Variants in IYD observed in about 807,000 individuals in gnomAD.
The protein encoded by IYD is iodotyrosine deiodinase 1.
A neutral mutation model predicts 28.4 loss-of-function variants in IYD; 25 were observed. That is an observed-to-expected ratio of 0.88 (90% CI 0.64 to 1.23). The LOEUF (loss-of-function observed/expected upper bound fraction) is 1.23. Among genes scored for constraint, IYD ranks in the 50% most tolerant of loss-of-function variants. IYD has a pLI of 0.00. For missense variants in IYD, 352 were observed against 357.9 expected (o/e 0.98, Z 0.13); for synonymous variants, 140 against 130.8 (o/e 1.07, Z -0.48).
At position 150,403,243 on chromosome 6, in the gene IYD, T is replaced by C. The variant is rs904754938; in HGVS notation, c.*5006T>C. 6.6e-6 allele frequency: 1 copy of C among 152,264 alleles called. No individual in the cohort carries two copies. The highest frequency in any genetic ancestry group is 2.4e-5 in the African/African-American group (1 of 41,470). 9.4% of individuals were successfully genotyped at this position (152,264 alleles called of 1,614,324 possible). ...TTATGCCAGAGAGGCATGAGAAATA[T>C]AATTTTATTTTGCTAGGTATCAGCA... On this transcript the variant is annotated 3_prime_UTR_variant, in exon 5 of 5. Transcript: ENST00000344419.
In IYD at chr6:150,389,643, C is replaced by T. The variant is rs1050570909; in HGVS notation, c.370+100C>T. ...AAAGTTTAAACATAGCGAATAAAGC[C>T]TAGAGTGATATGTTTATCTATAAAG... On this transcript the variant is annotated intron_variant, in intron 2 of 4. Coordinates refer to ENST00000344419, the MANE Select transcript of IYD (RefSeq NM_203395.3). The T allele has an allele frequency of 9.5e-6, 10 of 1,057,832 alleles. No individual in the cohort carries two copies. The African/African-American group carries it at 1.6e-4, about 16-fold the overall frequency. 65.5% of individuals were successfully genotyped at this position (1,057,832 alleles called of 1,614,324 possible).
At chr6:150,374,241 A>G (rs986701934) in intron 1 of IYD, among the ~76,000 whole-genome samples, 1 of 152,264 alleles carries the variant, frequency 6.6e-6, no homozygotes, top group African/African-American at 2.4e-5. Flanking sequence ...AGGAGCCTTC[A>G]TAGGGAAATG....
Position 150,394,096 on chromosome 6 carries a change from C to T in IYD, c.531-3C>T. ...TTATCCTGAATCTCTTTTCTCTTCA[C>T]AGAACCAACTGGATTAAAGAGTACT... On this transcript the variant is annotated splice_region_variant and splice_polypyrimidine_tract_variant and intron_variant, in intron 3 of 4. Transcript: ENST00000344419. 6.2e-7 allele frequency: 1 copy of T among 1,613,942 alleles called. No homozygotes were observed. Among genetic ancestry groups the T allele is most frequent in the Non-Finnish European group, 8.5e-7 (1 of 1,179,840 alleles).
At chr6:150,391,194 G>A (rs1778104863) in intron 2 of IYD, among the ~76,000 whole-genome samples, 1 of 147,516 alleles carries the variant, frequency 6.8e-6, no homozygotes, top group South Asian at 2.2e-4. Flanking sequence ...CTGAGATTGT[G>A]ACACTGCACT....
At chr6:150,388,526 G>A (rs558371023) in intron 1 of IYD, among the ~76,000 whole-genome samples, 11 of 152,104 alleles carry the variant, frequency 7.2e-5, no homozygotes, top group Middle Eastern at 3.4e-3. Flanking sequence ...TCAACTGACA[G>A]GAGATTGTTT....
At chr6:150,396,689 AT>A in intron 4 of IYD, 2 of 336,904 alleles carry the variant, frequency 5.9e-6, no homozygotes, top group Non-Finnish European at 1.1e-5. Flanking sequence ...CCTGGCTAAC[AT>A]GGTGAAACCC....
At chr6:150,378,396 T>C (rs913192522) in intron 1 of IYD, among the ~76,000 whole-genome samples, 1 of 151,926 alleles carries the variant, frequency 6.6e-6, no homozygotes, top group Non-Finnish European at 1.5e-5. Flanking sequence ...GTTCTCACTG[T>C]TCAATTCCCA....
intron 1 of IYD, among the ~76,000 whole-genome samples, chr6:150,374,358 G>C (rs1777371176): frequency 6.6e-6 from 1 of 152,176 alleles, no homozygotes; most frequent in African/African-American, 2.4e-5. Flanking sequence ...GTCTAACGTG[G>C]TCTAATGGCA....
chr6:150,371,817 G>A (rs1001863153), intron 1 of IYD, among the ~76,000 whole-genome samples: 5 of 152,168 alleles, frequency 3.3e-5, no homozygotes, highest in African/African-American at 9.7e-5. Context: ...TTGTCATGAA[G>A]ATGAAATGAT....
chr6:150,387,568 A>G (rs1387301674), intron 1 of IYD, among the ~76,000 whole-genome samples: 1 of 152,076 alleles, frequency 6.6e-6, no homozygotes, highest in East Asian at 1.9e-4. Flanking sequence ...AAATGATCAA[A>G]TGTATATTAG....
At chr6:150,386,923 T>A (rs1219197249) in intron 1 of IYD, among the ~76,000 whole-genome samples, 1 of 152,190 alleles carries the variant, frequency 6.6e-6, no homozygotes, top group Non-Finnish European at 1.5e-5. Flanking sequence ...TCGGGAACAT[T>A]TAGTTCATTT....
In IYD at chr6:150,405,401, T is replaced by TG. The variant is rs966331710; in HGVS notation, c.*7166dup. The stretch of plus-strand genomic sequence containing the variant: ...GCCCCTCAATTCATACTTTTTGGGA[T>TG]GGAGCCTCAAATCCAGAAATCTTCT... On this transcript the variant is annotated 3_prime_UTR_variant, in exon 5 of 5. Coordinates refer to ENST00000344419, the MANE Select transcript of IYD (RefSeq NM_203395.3). 1 of 152,278 alleles carries TG rather than the reference T, an allele frequency of 6.6e-6. No homozygotes were observed. The highest frequency in any genetic ancestry group is 2.4e-5 in the African/African-American group (1 of 41,466). 9.4% of individuals were successfully genotyped at this position (152,278 alleles called of 1,614,324 possible). A position where few individuals can be genotyped will look rare whatever the true frequency, so the allele number is the denominator to read the frequency against.
intron 1 of IYD, among the ~76,000 whole-genome samples, 163 bp from the exon 2 acceptor site, chr6:150,389,189 A>G (rs1778015804): frequency 6.6e-6 from 1 of 152,234 alleles, no homozygotes; most frequent in African/African-American, 2.4e-5. Flanking sequence ...AGGATAGTCA[A>G]GATCAGTGGT....
intron 2 of IYD, among the ~76,000 whole-genome samples, chr6:150,390,306 C>T (rs1474749253): frequency 6.6e-6 from 1 of 152,142 alleles, no homozygotes; most frequent in Non-Finnish European, 1.5e-5. Context: ...AGTCCTTAGC[C>T]TAACTAACAG....
intron 1 of IYD, among the ~76,000 whole-genome samples, chr6:150,374,543 A>C (rs1018163266): frequency 1.3e-5 from 2 of 152,214 alleles, no homozygotes; most frequent in African/African-American, 4.8e-5. Flanking sequence ...TGGCAGGCAA[A>C]GAGGGAATGA....
chr6:150,393,839 G>A (rs1221685530), intron 3 of IYD, among the ~76,000 whole-genome samples: 1 of 152,144 alleles, frequency 6.6e-6, no homozygotes, highest in Non-Finnish European at 1.5e-5. Flanking sequence ...AGTGCATGCT[G>A]GGTAATAGGA....
chr6:150,384,033 C>T (rs1347048352), intron 1 of IYD, among the ~76,000 whole-genome samples: 1 of 152,030 alleles, frequency 6.6e-6, no homozygotes, highest in Non-Finnish European at 1.5e-5. Flanking sequence ...TTCCTAAAGA[C>T]ACAATTTAGG....
Position 150,392,411 on chromosome 6 carries a change from A to C in IYD, c.437A>C (p.Lys146Thr). The C allele has an allele frequency of 6.2e-7, 1 of 1,613,992 alleles. No individual in the cohort carries two copies. Among genetic ancestry groups the C allele is most frequent in the Non-Finnish European group, 8.5e-7 (1 of 1,179,876 alleles). The change falls in exon 3 of 5, where the codon AAG becomes ACG. Residue 146 changes from lysine to threonine, a missense_variant. Lys to Thr is a moderately conservative substitution (Grantham distance 78). Coordinates refer to ENST00000344419, the MANE Select transcript of IYD (RefSeq NM_203395.3). ...GTGGTTGTGAAGGACCCAGACGTGA[A>C]GCACAAGATTCGAAAGATCATTGAG... The part of the protein sequence containing the change: ...TFVVVKDPDV[K>T]HKIRKIIEEE...
Position 150,389,487 on chromosome 6 carries a change from T to G in IYD, c.314T>G (p.Phe105Cys), listed in dbSNP as rs1778027285. The G allele has an allele frequency of 6.2e-7, 1 of 1,613,212 alleles. No individual in the cohort carries two copies. Residue 105 changes from phenylalanine (F) to cysteine (C), a missense_variant, in exon 2 of 5, where the codon TTC becomes TGC. Coordinates refer to ENST00000344419, the MANE Select transcript of IYD (RefSeq NM_203395.3). ...ELLNKRRSVR[F>C]ISNEQVPMEV... is the part of the protein sequence containing the mutation. ...CTCAATAAGAGACGGTCAGTCAGGT[T>G]CATAAGTAATGAGCAAGTCCCAATG...
Sources: allele counts gnomAD v4.1 joint callset (sites outside exome capture counted in the v4.1 genomes callset), GRCh38; gene constraint gnomAD v4.1.1; transcripts MANE v1.5; gene names NCBI Gene and HGNC (gene_info 2026-07-23, HGNC 2026-07-21).